ATP10A: variants seen among roughly 807,000 people sequenced by gnomAD.
ATP10A encodes phospholipid-transporting ATPase VA.
ATP10A carries 111 observed loss-of-function variants against 147.8 expected under a neutral mutation model. The observed-to-expected ratio is 0.75, with a 90% CI of 0.64 to 0.88. The LOEUF is 0.88. Among genes scored for constraint, ATP10A ranks in the 40% least tolerant of loss-of-function variants. ATP10A has a pLI of 0.00. For synonymous variants in ATP10A, 875 were observed against 841.6 expected, an observed-to-expected ratio of 1.04 and a Z score of -0.69; for missense variants, 1,927 against 1,959.0, an observed-to-expected ratio of 0.98 and a Z score of 0.31.
intron 2 of ATP10A, among the ~76,000 whole-genome samples, chr15:25,779,845 A>AACAC (rs56111172): frequency 0.11 from 16,039 of 147,224 alleles, 988 homozygotes; most frequent in Non-Finnish European, 0.15. Context: ...AGAAGGTTAA[A>AACAC]ACACACACAC....
At position 25,769,336 on chromosome 15, in the gene ATP10A, A is replaced by C. The variant is rs1250040645; in HGVS notation, c.654+11683T>G. Among the ~76,000 whole-genome samples the C allele has an allele frequency of 8.6e-5, 13 of 151,610 alleles. 1 individual carries two copies. Among genetic ancestry groups the C allele is most frequent in the Admixed American group, 6.6e-4 (10 of 15,232 alleles). On this transcript the variant is annotated intron_variant, in intron 2 of 20. Coordinates refer to ENST00000555815, the MANE Select transcript of ATP10A (RefSeq NM_024490.4). ...CCTGTCTCTACTAAAAATACAAAAAAATTAGCCGGGGGTGGTGGCGGGCGT... is the reference window on the plus strand; with the variant it reads ...CCTGTCTCTACTAAAAATACAAAAACATTAGCCGGGGGTGGTGGCGGGCGT...
chr15:25,710,930 A>C (rs1291304957), intron 10 of ATP10A: 2 of 152,336 alleles, frequency 1.3e-5, no homozygotes, highest in African/African-American at 4.8e-5. Flanking sequence ...CTGGACATCA[A>C]TGTAACAGCA....
At chr15:25,788,589 G>T (rs2140735946) in intron 1 of ATP10A, among the ~76,000 whole-genome samples, 1 of 152,330 alleles carries the variant, frequency 6.6e-6, no homozygotes, top group South Asian at 2.1e-4. Context: ...CACTATTATT[G>T]TTGAAGTGAG....
chr15:25,763,141 T>C (rs1008855636), intron 2 of ATP10A, among the ~76,000 whole-genome samples: 2 of 152,200 alleles, frequency 1.3e-5, no homozygotes, highest in African/African-American at 4.8e-5. Flanking sequence ...GGGAAGCTTA[T>C]TTTTGTAAGA....
chr15:25,772,973 A>G (rs1234621588), intron 2 of ATP10A, among the ~76,000 whole-genome samples: 1 of 152,172 alleles, frequency 6.6e-6, no homozygotes, highest in Admixed American at 6.5e-5. Context: ...TCCTTGGCAC[A>G]CGGATTATTC....
chr15:25,857,142 T>TTA (rs1410720618), intron 1 of ATP10A, among the ~76,000 whole-genome samples: 13 of 152,164 alleles, frequency 8.5e-5, no homozygotes, highest in Admixed American at 8.5e-4. Context: ...CACTGGGTAT[T>TTA]TAACAGTATT....
chr15:25,739,472 G>A (rs1258583236), intron 2 of ATP10A, among the ~76,000 whole-genome samples: 2 of 152,316 alleles, frequency 1.3e-5, no homozygotes, highest in South Asian at 2.1e-4. Context: ...CAAGTGAAGA[G>A]AGGGCATTTG....
At chr15:25,864,947 C>G (rs772992432), upstream of ATP10A, 2 of 152,392 alleles carry the variant, frequency 1.3e-5, no homozygotes, top group Admixed American at 6.5e-5. Flanking sequence ...TCCGCGCCTA[C>G]CAGACTCCCA....
chr15:25,835,973 C>T (rs1254930682), intron 1 of ATP10A, among the ~76,000 whole-genome samples: 1 of 152,190 alleles, frequency 6.6e-6, no homozygotes, highest in African/African-American at 2.4e-5. Flanking sequence ...GCCACCACGG[C>T]CGGCTAATTT....
chr15:25,689,658 C>G (rs993893085), intron 15 of ATP10A, among the ~76,000 whole-genome samples: 1 of 152,230 alleles, frequency 6.6e-6, no homozygotes, highest in African/African-American at 2.4e-5. Context: ...CCTAACACAT[C>G]CCCAGGGAGG....
At chr15:25,851,823 G>C (rs2140911412) in intron 1 of ATP10A, among the ~76,000 whole-genome samples, 1 of 152,238 alleles carries the variant, frequency 6.6e-6, no homozygotes, top group Middle Eastern at 3.4e-3. Context: ...TCAGTATTTT[G>C]GGAGCTGAGG....
Position 25,718,266 on chromosome 15 carries a change from G to A in ATP10A, c.1497C>T (p.Thr499=). 6.2e-7 allele frequency: 1 copy of A among 1,612,580 alleles called. No individual in the cohort carries two copies. Among genetic ancestry groups the A allele is most frequent in the Non-Finnish European group, 8.5e-7 (1 of 1,179,954 alleles). Reference sequence around the variant, plus strand: ...GGCTGCCCGTGCGCCGGTGGGACTTGGTGCTCTGGGTTCTGTGCACCACCC... The same window carrying A: ...GGCTGCCCGTGCGCCGGTGGGACTTAGTGCTCTGGGTTCTGTGCACCACCC... ...SVRVVHRTQS[T]KSHRRTGSRA... Residue 499 remains threonine (T), a synonymous_variant, in exon 8 of 21, where the codon ACC becomes ACT. Coordinates refer to ENST00000555815, the MANE Select transcript of ATP10A (RefSeq NM_024490.4).
intron 2 of ATP10A, among the ~76,000 whole-genome samples, chr15:25,743,207 C>G (rs1243737456): frequency 6.6e-6 from 1 of 152,056 alleles, no homozygotes; most frequent in Non-Finnish European, 1.5e-5. Flanking sequence ...ATGGAGAATA[C>G]AAAAAGAGGT....
chr15:25,708,329 G>A, intron 10 of ATP10A, 29 bp from the exon 11 acceptor site: 3 of 1,590,446 alleles, frequency 1.9e-6, no homozygotes, highest in Non-Finnish European at 2.6e-6. Context: ...AGAAACATGG[G>A]TAAGAACTGG....
In ATP10A at chr15:25,862,755, C is replaced by G. The variant is rs767229589; in HGVS notation, c.342G>C (p.Pro114=). Residue 114 remains proline, a synonymous_variant, in exon 1 of 21, where the codon CCG becomes CCC. Coordinates refer to ENST00000555815, the MANE Select transcript of ATP10A (RefSeq NM_024490.4). ...NAFQPGLALA[P]VLFILAITAF... ...CCGTGATGGCCAGGATGAAGAGCAC[C>G]GGCGCCAGTGCCAGGCCGGGCTGGA... 6.2e-7 allele frequency: 1 copy of G among 1,611,746 alleles called. No homozygotes were observed. The highest frequency in any genetic ancestry group is 8.5e-7 in the Non-Finnish European group (1 of 1,179,072).
intron 1 of ATP10A, among the ~76,000 whole-genome samples, chr15:25,795,413 A>T (rs1890629039): frequency 6.6e-6 from 1 of 151,980 alleles, no homozygotes; most frequent in Non-Finnish European, 1.5e-5. Flanking sequence ...AGAGAGTGAC[A>T]GCCTCTTCCC....
intron 1 of ATP10A, among the ~76,000 whole-genome samples, chr15:25,855,287 C>T (rs1893464921): frequency 6.6e-6 from 1 of 151,996 alleles, no homozygotes; most frequent in Non-Finnish European, 1.5e-5. Flanking sequence ...ACACCATGAC[C>T]AAGTAAGTTT....
intron 1 of ATP10A, among the ~76,000 whole-genome samples, chr15:25,839,226 G>A (rs767903065): frequency 1.3e-5 from 2 of 152,078 alleles, no homozygotes; most frequent in African/African-American, 4.8e-5. Flanking sequence ...TATGTGCGTC[G>A]GCGCATCCCT....
intron 1 of ATP10A, among the ~76,000 whole-genome samples, chr15:25,837,420 A>T (rs1336889275): frequency 6.6e-6 from 1 of 152,212 alleles, no homozygotes; most frequent in Non-Finnish European, 1.5e-5. Context: ...AGACACAGAG[A>T]TGCTGTGTGA....
Sources: allele counts gnomAD v4.1 joint callset (sites outside exome capture counted in the v4.1 genomes callset), GRCh38; gene constraint gnomAD v4.1.1; transcripts MANE v1.5; gene names NCBI Gene and HGNC (gene_info 2026-07-23, HGNC 2026-07-21).